Variants in FAM20C observed in about 807,000 individuals in gnomAD.
FAM20C encodes the protein FAM20C golgi associated secretory pathway kinase.
In FAM20C, 40 loss-of-function variants were observed where a neutral mutation model predicts 51.5. That is an observed-to-expected ratio of 0.78 (90% CI 0.60 to 1.01). FAM20C has a LOEUF of 1.01. Ranked by LOEUF, FAM20C falls within the 50% of genes least tolerant of loss-of-function variation. The pLI is 0.00. For synonymous variants in FAM20C, 406 were observed against 380.6 expected (o/e 1.07, Z -0.78); for missense variants, 861 against 844.7 (o/e 1.02, Z -0.24).
At chr7:236,013 C>G (rs1484679621) in intron 3 of FAM20C, among the ~76,000 whole-genome samples, 1 of 152,248 alleles carries the variant, frequency 6.6e-6, no homozygotes, top group Non-Finnish European at 1.5e-5. Flanking sequence ...CCATGCCTGT[C>G]ACCTGCCCTC....
intron 3 of FAM20C, among the ~76,000 whole-genome samples, chr7:214,608 C>A (rs964754681): frequency 4.6e-5 from 7 of 152,088 alleles, no homozygotes; most frequent in African/African-American, 1.7e-4. Context: ...TGCTGTTTGA[C>A]CTGACTGAGT....
chr7:219,182 G>C (rs1025548365), intron 3 of FAM20C, among the ~76,000 whole-genome samples: 2 of 152,182 alleles, frequency 1.3e-5, no homozygotes, highest in Admixed American at 1.3e-4. Flanking sequence ...TCCACCTGGG[G>C]CGAGGTTTGA....
chr7:219,344 G>A (rs1787143859), intron 3 of FAM20C, among the ~76,000 whole-genome samples: 1 of 151,702 alleles, frequency 6.6e-6, no homozygotes. Context: ...ACCCAGCCCA[G>A]GACAGCAACG....
chr7:258,035 CGGGTGCTGG>C (rs1788683520), intron 8 of FAM20C, among the ~76,000 whole-genome samples: 1 of 38,926 alleles, frequency 2.6e-5, no homozygotes, highest in Non-Finnish European at 4.9e-5. Flanking sequence ...ACCCACTGCC[CGGGTGCTGG>C]AGATAGGCAG....
chr7:255,844 C>G lies in FAM20C; in HGVS notation c.1073-5C>G. On this transcript the variant is annotated splice_region_variant and splice_polypyrimidine_tract_variant and intron_variant, in intron 5 of 9. Transcript: ENST00000313766. ...CCTGGTAACCCGCAGCCTGTCCCTC[C>G]CCAGCCAACAACATCTGCTTCTACG... The G allele has an allele frequency of 6.5e-7, 1 of 1,536,294 alleles. No individual in the cohort carries two copies. Among genetic ancestry groups the G allele is most frequent in the African/African-American group, 1.4e-5 (1 of 73,128 alleles).
At chr7:218,726 C>T (rs752000385) in intron 3 of FAM20C, among the ~76,000 whole-genome samples, 13 of 152,192 alleles carry the variant, frequency 8.5e-5, no homozygotes, top group Non-Finnish European at 1.9e-4. Context: ...ACTGGGAAAC[C>T]GAGGTGGGAG....
At chr7:235,213 G>A (rs1787812535) in intron 3 of FAM20C, among the ~76,000 whole-genome samples, 1 of 152,114 alleles carries the variant, frequency 6.6e-6, no homozygotes, top group South Asian at 2.1e-4. Flanking sequence ...TTTTCAAACT[G>A]TTTACACTGA....
In FAM20C at chr7:256,644, C is replaced by T. The variant is rs990010145; in HGVS notation, c.1254-10C>T. 7 of 1,534,946 alleles carry T rather than the reference C, an allele frequency of 4.6e-6. No individual in the cohort carries two copies. The East Asian group carries it at 1.7e-4, about 38-fold the overall frequency. Reference sequence around the variant, plus strand: ...GCCTGGGCCCCCCGTCTCACGCTGGCTCCCCGCAGGTGGGAGGTGGACCCT... The same window carrying T: ...GCCTGGGCCCCCCGTCTCACGCTGGTTCCCCGCAGGTGGGAGGTGGACCCT... On this transcript the variant is annotated splice_polypyrimidine_tract_variant and intron_variant, in intron 6 of 9. Coordinates refer to ENST00000313766, the MANE Select transcript of FAM20C (RefSeq NM_020223.4).
chr7:195,772 G>A (rs377584782), intron 2 of FAM20C, 40 bp downstream of exon 2: 72 of 1,495,668 alleles, frequency 4.8e-5, no homozygotes, highest in African/African-American at 2.9e-4. Flanking sequence ...TCTGTGTGCC[G>A]GCTGTGTGGC....
rs76057143 is a variant in FAM20C, at chr7:211,879, G to A, written c.863+2903G>A. On this transcript the variant is annotated intron_variant, in intron 3 of 9. Coordinates refer to ENST00000313766, the MANE Select transcript of FAM20C (RefSeq NM_020223.4). Reference sequence around the variant, plus strand: ...GAGGCAGGGACCCCACACCTCAGGCGGGCGGGCGTGTGCGAACCTTTTGCA... The same window carrying A: ...GAGGCAGGGACCCCACACCTCAGGCAGGCGGGCGTGTGCGAACCTTTTGCA... 3.2e-3 allele frequency among the ~76,000 whole-genome samples: 492 copies of A among 152,304 alleles called. 2 individuals are homozygous for A. Among genetic ancestry groups the A allele is most frequent in the African/African-American group, 0.01 (417 of 41,572 alleles).
intron 2 of FAM20C, among the ~76,000 whole-genome samples, chr7:205,151 G>A (rs1206839380): frequency 6.6e-6 from 1 of 152,202 alleles, no homozygotes; most frequent in Non-Finnish European, 1.5e-5. Flanking sequence ...GAGCCCCATT[G>A]TTTTCTAGAA....
Position 256,644 on chromosome 7 carries a change from C to A in FAM20C, c.1254-10C>A. 6.5e-7 allele frequency: 1 copy of A among 1,534,944 alleles called. No homozygotes were observed. The highest frequency in any genetic ancestry group is 8.7e-7 in the Non-Finnish European group (1 of 1,145,950). On this transcript the variant is annotated splice_polypyrimidine_tract_variant and intron_variant, in intron 6 of 9. Coordinates refer to ENST00000313766, the MANE Select transcript of FAM20C (RefSeq NM_020223.4). ...GCCTGGGCCCCCCGTCTCACGCTGG[C>A]TCCCCGCAGGTGGGAGGTGGACCCT...
intron 3 of FAM20C, among the ~76,000 whole-genome samples, chr7:226,555 C>A (rs552683313): frequency 2.0e-5 from 3 of 152,220 alleles, no homozygotes; most frequent in Admixed American, 6.5e-5. Flanking sequence ...GCCCCCCGGT[C>A]GTGGCCCCGA....
intron 5 of FAM20C, among the ~76,000 whole-genome samples, chr7:252,639 A>T (rs1405846894): frequency 6.6e-6 from 1 of 152,220 alleles, no homozygotes; most frequent in Non-Finnish European, 1.5e-5. Flanking sequence ...TCAGCCAGGA[A>T]CAAGGTGAGG....
rs1194953706 is a variant in FAM20C at position 193,697 on chromosome 7, G to T, written c.498G>T (p.Glu166Asp). The part of the protein sequence containing the change: ...GDASLLARLF[E>D]HPLYRVAVPP... ...CCTCCCTCCTGGCCAGGCTGTTCGA[G>T]CACCCGCTTTACCGGGTGGCGGTTC... Residue 166 changes from glutamate to aspartate, a missense_variant, in exon 1 of 10, where the codon GAG becomes GAT. By Grantham distance (45) the Glu-to-Asp change is conservative (BLOSUM62 2). Transcript: ENST00000313766. 3.2e-6 allele frequency: 5 copies of T among 1,545,368 alleles called. No homozygotes were observed. The highest frequency in any genetic ancestry group is 1.8e-4 in the Middle Eastern group (1 of 5,470).
chr7:202,942 G>A (rs972400395), intron 2 of FAM20C, among the ~76,000 whole-genome samples: 1 of 152,234 alleles, frequency 6.6e-6, no homozygotes, highest in Admixed American at 6.5e-5. Flanking sequence ...ATTGCACTGG[G>A]AATTGGGGCC....
At chr7:209,849 C>T (rs1786619822) in intron 3 of FAM20C, among the ~76,000 whole-genome samples, 1 of 152,250 alleles carries the variant, frequency 6.6e-6, no homozygotes, top group Admixed American at 6.5e-5. Flanking sequence ...ATATAGCTGC[C>T]TGCTTGCAAG....
intron 2 of FAM20C, among the ~76,000 whole-genome samples, chr7:207,616 C>T (rs894912152): frequency 5.3e-5 from 8 of 152,228 alleles, no homozygotes; most frequent in Admixed American, 1.3e-4. Flanking sequence ...GTTCCATTTA[C>T]GTCTGTGCCG....
chr7:197,768 A>G (rs1785949318), intron 2 of FAM20C, among the ~76,000 whole-genome samples: 1 of 151,956 alleles, frequency 6.6e-6, no homozygotes. Context: ...CAACACCAAC[A>G]CTGAAGAGGT....
Sources: gnomAD v4.1 joint callset for allele counts (sites outside exome capture counted in the v4.1 genomes callset) on GRCh38, gnomAD v4.1.1 for gene constraint, MANE v1.5 for transcripts, NCBI Gene and HGNC (gene_info 2026-07-23, HGNC 2026-07-21) for gene names.